MYO6: variants seen among roughly 807,000 people sequenced by gnomAD.
MYO6 encodes the protein unconventional myosin-VI.
In MYO6, 74 loss-of-function variants were observed where a neutral mutation model predicts 178.7. The ratio of observed to expected loss-of-function variants is 0.41; its 90% CI spans 0.34 to 0.50. The LOEUF is 0.50. MYO6 is among the 20% of genes least tolerant of loss of function. MYO6 has a pLI of 0.09. For synonymous variants in MYO6, 477 were observed against 504.6 expected, an observed-to-expected ratio of 0.95 and a Z score of 0.73; for missense variants, 1,330 against 1,547.4, an observed-to-expected ratio of 0.86 and a Z score of 2.36.
chr6:75,826,439 T>C (rs956952709), intron 3 of MYO6, among the ~76,000 whole-genome samples: 3 of 152,168 alleles, frequency 2.0e-5, no homozygotes, highest in Admixed American at 1.3e-4. Flanking sequence ...TGTGTAGGCT[T>C]ATATGATTAG....
chr6:75,841,509 C>A, intron 9 of MYO6, 131 bp downstream of exon 9: 1 of 794,564 alleles, frequency 1.3e-6, no homozygotes, highest in Non-Finnish European at 2.0e-6. Context: ...GGCAATGTAG[C>A]GAGACCCTGT....
At chr6:75,811,411 G>C (rs1006214847) in intron 1 of MYO6, among the ~76,000 whole-genome samples, 2 of 151,850 alleles carry the variant, frequency 1.3e-5, no homozygotes, top group Non-Finnish European at 2.9e-5. Context: ...TCTCCTTTTT[G>C]CTTCTCTCCA....
intron 1 of MYO6, among the ~76,000 whole-genome samples, chr6:75,766,742 G>T (rs1254417819): frequency 6.6e-6 from 1 of 152,134 alleles, no homozygotes; most frequent in Non-Finnish European, 1.5e-5. Context: ...TTCAATTTAT[G>T]TGTTATTGTA....
intron 32 of MYO6, among the ~76,000 whole-genome samples, chr6:75,909,276 A>G (rs931918097): frequency 1.3e-5 from 2 of 152,166 alleles, no homozygotes; most frequent in Admixed American, 6.6e-5. Context: ...TTTTATTTGT[A>G]GGTATAAGTA....
At chr6:75,790,995 T>G (rs1375373554) in intron 1 of MYO6, among the ~76,000 whole-genome samples, 1 of 152,044 alleles carries the variant, frequency 6.6e-6, no homozygotes, top group Non-Finnish European at 1.5e-5. Context: ...GTGCAGTGGG[T>G]CAATGTCGGC....
chr6:75,895,033 C>T (rs1415394795), intron 28 of MYO6, among the ~76,000 whole-genome samples, 198 bp from the exon 29 acceptor site: 2 of 152,102 alleles, frequency 1.3e-5, no homozygotes, highest in Non-Finnish European at 2.9e-5. Flanking sequence ...CTTTAATTTT[C>T]ACTGCATGCC....
chr6:75,824,037 A>T (rs1280771027), intron 3 of MYO6, among the ~76,000 whole-genome samples: 1 of 152,212 alleles, frequency 6.6e-6, no homozygotes, highest in Non-Finnish European at 1.5e-5. Flanking sequence ...AAGGAATGAG[A>T]CTGTACCATA....
At chr6:75,908,461 G>T in intron 31 of MYO6, 35 bp from the exon 32 acceptor site, 1 of 1,593,190 alleles carries the variant, frequency 6.3e-7, no homozygotes, top group Non-Finnish European at 8.6e-7. Flanking sequence ...AAATTAACAT[G>T]TCAATTTTTT....
chr6:75,852,165 C>A (rs1465642783), intron 11 of MYO6, among the ~76,000 whole-genome samples: 6 of 149,204 alleles, frequency 4.0e-5, no homozygotes, highest in African/African-American at 4.9e-5. Flanking sequence ...AGAAACTTTG[C>A]GATATAGTAA....
intron 32 of MYO6, among the ~76,000 whole-genome samples, chr6:75,911,421 AT>A (rs1247100295): frequency 6.6e-6 from 1 of 151,838 alleles, no homozygotes; most frequent in Admixed American, 6.6e-5. Context: ...ATGAAGTATG[AT>A]TTTTTAATTT....
chr6:75,761,329 G>C (rs1298197116), intron 1 of MYO6, among the ~76,000 whole-genome samples: 1 of 152,106 alleles, frequency 6.6e-6, no homozygotes, highest in Non-Finnish European at 1.5e-5. Flanking sequence ...GGAAAAGAAG[G>C]ATGGAAATTG....
chr6:75,806,953 G>A (rs1770164103), intron 1 of MYO6, among the ~76,000 whole-genome samples: 1 of 152,074 alleles, frequency 6.6e-6, no homozygotes, highest in Admixed American at 6.6e-5. Context: ...AGTGCCACTG[G>A]GTTAGGGTCT....
intron 1 of MYO6, among the ~76,000 whole-genome samples, chr6:75,797,094 A>T (rs113780156): frequency 1.2e-3 from 175 of 151,838 alleles, no homozygotes; most frequent in African/African-American, 4.1e-3. Flanking sequence ...TTATTTATTT[A>T]ATTTTATTTT....
chr6:75,774,926 T>C (rs921818278), intron 1 of MYO6, among the ~76,000 whole-genome samples: 1 of 152,010 alleles, frequency 6.6e-6, no homozygotes, highest in Non-Finnish European at 1.5e-5. Flanking sequence ...CCCGAGTAGC[T>C]GGGATTGCAG....
chr6:75,905,517 A>G (rs1386758181), intron 30 of MYO6, among the ~76,000 whole-genome samples: 1 of 152,198 alleles, frequency 6.6e-6, no homozygotes, highest in Non-Finnish European at 1.5e-5. Context: ...TTGACTAGGA[A>G]AGGGAACTCC....
At chr6:75,757,972 C>CTTTTTTTTTTT (rs71002761) in intron 1 of MYO6, among the ~76,000 whole-genome samples, 4 of 74,312 alleles carry the variant, frequency 5.4e-5, no homozygotes, top group Admixed American at 2.3e-4. Context: ...TTGAAGTTGG[C>CTTTTTTTTTTT]TTTTTTTTTT....
At chr6:75,831,987 C>T (rs192015396) in intron 5 of MYO6, among the ~76,000 whole-genome samples, 17 of 152,132 alleles carry the variant, frequency 1.1e-4, no homozygotes, top group Non-Finnish European at 2.1e-4. Flanking sequence ...GAGTAAAAGC[C>T]GTTTCTGAAG....
chr6:75,904,423 G>A (rs931568628), intron 30 of MYO6, among the ~76,000 whole-genome samples: 47 of 129,412 alleles, frequency 3.6e-4, no homozygotes, highest in Middle Eastern at 3.9e-3. Context: ...GTCTTTGTTC[G>A]TTTCTTTTTA....
At position 75,879,595 on chromosome 6, in the gene MYO6, A is replaced by G. The variant is rs72654790; in HGVS notation, c.2078-225A>G. On this transcript the variant is annotated intron_variant, in intron 20 of 34. Transcript: ENST00000369977. ...CTAGAGACCAATAATTTGCCTCTAG[A>G]AAAGAGTCTTATTGGGTTTACAGGA... 0.013 allele frequency among the ~76,000 whole-genome samples: 1,994 copies of G among 152,226 alleles called. 77 individuals are homozygous for G. In the East Asian group the frequency reaches 0.15, roughly 11 times the overall value.
Sources: gnomAD v4.1 joint callset for allele counts (sites outside exome capture counted in the v4.1 genomes callset) on GRCh38, gnomAD v4.1.1 for gene constraint, MANE v1.5 for transcripts, NCBI Gene and HGNC (gene_info 2026-07-23, HGNC 2026-07-21) for gene names.